Variants in GHR observed in about 807,000 individuals in gnomAD.
GHR encodes the protein growth hormone receptor, also known as GH receptor.
GHR carries 35 observed loss-of-function variants against 67.1 expected under a neutral mutation model. The ratio of observed to expected loss-of-function variants is 0.52; its 90% CI spans 0.40 to 0.69. GHR has a LOEUF of 0.69. GHR is among the 30% of genes least tolerant of loss of function. The pLI is 0.00. For missense variants in GHR, 792 were observed against 764.6 expected (o/e 1.04, Z -0.42); for synonymous variants, 272 against 269.1 (o/e 1.01, Z -0.10).
chr5:42,656,704 A>G (rs1755273510), intron 3 of GHR, among the ~76,000 whole-genome samples: 1 of 152,160 alleles, frequency 6.6e-6, no homozygotes, highest in Non-Finnish European at 1.5e-5. Flanking sequence ...AATATATACA[A>G]TCATGCCTTC....
At chr5:42,690,047 T>C (rs1349065026) in intron 4 of GHR, among the ~76,000 whole-genome samples, 1 of 152,220 alleles carries the variant, frequency 6.6e-6, no homozygotes, top group Non-Finnish European at 1.5e-5. Flanking sequence ...ATTTTTCCCT[T>C]TTTTACATTT....
At chr5:42,588,546 A>AAAAAAAAAAAAAAAAAAAAAC (rs1488765986) in intron 2 of GHR, among the ~76,000 whole-genome samples, 1 of 150,322 alleles carries the variant, frequency 6.7e-6, no homozygotes, top group Non-Finnish European at 1.5e-5. Flanking sequence ...AAAAAAAAAA[A>AAAAAAAAAAAAAAAAAAAAAC]AAAAAGTGAC....
intron 1 of GHR, among the ~76,000 whole-genome samples, chr5:42,477,513 T>A (rs1745392631): frequency 6.6e-6 from 1 of 152,206 alleles, no homozygotes; most frequent in African/African-American, 2.4e-5. Flanking sequence ...TGTAAAAGTG[T>A]TCCTATTTCT....
At chr5:42,561,995 G>T (rs976545932) in intron 1 of GHR, among the ~76,000 whole-genome samples, 1 of 151,932 alleles carries the variant, frequency 6.6e-6, no homozygotes, top group Non-Finnish European at 1.5e-5. Flanking sequence ...TAGGTACCTG[G>T]GCAAAAAGGG....
intron 1 of GHR, among the ~76,000 whole-genome samples, chr5:42,513,559 G>A (rs1030584958): frequency 1.3e-5 from 2 of 152,126 alleles, no homozygotes; most frequent in African/African-American, 2.4e-5. Context: ...AGGCCGAGGT[G>A]GGCCGATCAC....
rs573568176 is a variant in GHR at position 42,501,439 on chromosome 5, T to C, written c.-11-64425T>C. Among the ~76,000 whole-genome samples the C allele has an allele frequency of 1.1e-4, 16 of 152,294 alleles. No individual in the cohort carries two copies. In the South Asian group the frequency reaches 2.9e-3, roughly 28 times the overall value. ...GTCTATGAGACCCCAAAGACAAAGA[T>C]TGTCCCCTAAACTTCTATTCTTATT... On this transcript the variant is annotated intron_variant, in intron 1 of 9. Coordinates refer to ENST00000230882, the MANE Select transcript of GHR (RefSeq NM_000163.5).
intron 1 of GHR, among the ~76,000 whole-genome samples, chr5:42,533,617 A>G (rs1380303987): frequency 6.6e-6 from 1 of 151,868 alleles, no homozygotes; most frequent in Non-Finnish European, 1.5e-5. Context: ...AATTTTTTAT[A>G]TGTATGGTAT....
chr5:42,698,096 G>A (rs1388083246), intron 5 of GHR, among the ~76,000 whole-genome samples: 1 of 152,178 alleles, frequency 6.6e-6, no homozygotes, highest in Non-Finnish European at 1.5e-5. Context: ...AAGGAGAGCA[G>A]GTTTTGGAGA....
At chr5:42,575,836 C>T (rs183839247) in intron 2 of GHR, among the ~76,000 whole-genome samples, 489 of 151,210 alleles carry the variant, frequency 3.2e-3, no homozygotes, top group Admixed American at 6.1e-3. Context: ...GAGTTTGAGA[C>T]CAGCCTGGCC....
At position 42,713,516 on chromosome 5, in the gene GHR, A is replaced by G; in HGVS notation, c.872A>G (p.Gln291Arg). The change falls in exon 8 of 10, where the codon CAA (glutamine) becomes CGA (arginine). Residue 291 changes from glutamine to arginine, a missense_variant. Gln to Arg is a conservative substitution (Grantham distance 43). Transcript: ENST00000230882. ...MLFVFLFSKQ[Q>R]RIKMLILPPV... ...TTTGTATTCTTATTTTCTAAACAGC[A>G]AAGGTAGGTGTGGAGTAGTATTCTT... 2.3e-6 allele frequency: 3 copies of G among 1,302,296 alleles called. No homozygotes were observed. Among genetic ancestry groups the G allele is most frequent in the Non-Finnish European group, 3.3e-6 (3 of 901,814 alleles). The allele number at this position is 1,302,296 out of a possible 1,614,324, so 80.7% of individuals were successfully genotyped here. A position where few individuals can be genotyped will look rare whatever the true frequency, so the allele number is the denominator to read the frequency against.
chr5:42,478,750 G>A (rs930413158), intron 1 of GHR, among the ~76,000 whole-genome samples: 1 of 152,306 alleles, frequency 6.6e-6, no homozygotes, highest in African/African-American at 2.4e-5. Context: ...CTGAGACTTT[G>A]CTGAAGTTGC....
intron 1 of GHR, among the ~76,000 whole-genome samples, chr5:42,426,434 C>A (rs546345308): frequency 2.6e-5 from 4 of 152,162 alleles, no homozygotes; most frequent in African/African-American, 9.7e-5. Context: ...AATCTGCTAA[C>A]CTGAAGATTA....
At chr5:42,661,066 T>A (rs531088865) in intron 3 of GHR, among the ~76,000 whole-genome samples, 2 of 151,994 alleles carry the variant, frequency 1.3e-5, no homozygotes, top group South Asian at 2.1e-4. Flanking sequence ...GAAAAAAGAA[T>A]AAAAAGAAAC....
At chr5:42,545,194 T>C (rs933539809) in intron 1 of GHR, among the ~76,000 whole-genome samples, 3 of 152,162 alleles carry the variant, frequency 2.0e-5, no homozygotes, top group Non-Finnish European at 2.9e-5. Context: ...AAGCATTTTC[T>C]CTTGGTCAGC....
At chr5:42,536,513 C>A (rs1375696425) in intron 1 of GHR, among the ~76,000 whole-genome samples, 1 of 152,110 alleles carries the variant, frequency 6.6e-6, no homozygotes, top group East Asian at 1.9e-4. Context: ...TGGTATGAAA[C>A]CCACTTGGTC....
At chr5:42,564,031 C>T (rs1308425107) in intron 1 of GHR, among the ~76,000 whole-genome samples, 1 of 151,992 alleles carries the variant, frequency 6.6e-6, no homozygotes, top group Non-Finnish European at 1.5e-5. Context: ...AGCTCAAGGC[C>T]TTCCAGGTTA....
chr5:42,439,522 G>C (rs905116166), intron 1 of GHR, among the ~76,000 whole-genome samples: 8 of 152,186 alleles, frequency 5.3e-5, no homozygotes, highest in Admixed American at 2.0e-4. Context: ...CTTGGACTTT[G>C]ATTAATATCT....
chr5:42,667,953 A>G (rs1756076052), intron 3 of GHR, among the ~76,000 whole-genome samples: 1 of 152,118 alleles, frequency 6.6e-6, no homozygotes, highest in Non-Finnish European at 1.5e-5. Flanking sequence ...AGCAATTATT[A>G]TCTTTAACTG....
intron 1 of GHR, among the ~76,000 whole-genome samples, chr5:42,501,984 T>C (rs113979832): frequency 7.9e-4 from 121 of 152,316 alleles, no homozygotes; most frequent in African/African-American, 2.9e-3. Flanking sequence ...GTGCGGGTCA[T>C]CATCCAGCCC....
Sources: gnomAD v4.1 joint callset for allele counts (sites outside exome capture counted in the v4.1 genomes callset) on GRCh38, gnomAD v4.1.1 for gene constraint, MANE v1.5 for transcripts, NCBI Gene and HGNC (gene_info 2026-07-23, HGNC 2026-07-21) for gene names.